EYA3: variants seen among roughly 807,000 people sequenced by gnomAD.
EYA3 encodes the protein protein phosphatase EYA3.
EYA3 carries 39 observed loss-of-function variants against 80.0 expected under a neutral mutation model. The observed-to-expected ratio is 0.49, with a 90% CI of 0.38 to 0.64. The LOEUF is 0.64. Ranked by LOEUF, EYA3 falls within the 30% of genes least tolerant of loss-of-function variation. EYA3 has a pLI of 0.00. For missense variants in EYA3, 523 were observed against 676.1 expected, an observed-to-expected ratio of 0.77 and a Z score of 2.51; for synonymous variants, 206 against 232.8, an observed-to-expected ratio of 0.88 and a Z score of 1.05.
chr1:28,024,784 G>C lies in EYA3; in HGVS notation c.499+3005C>G, dbSNP rs574663513. Among the ~76,000 whole-genome samples, 43 of 152,198 alleles carry C rather than the reference G, an allele frequency of 2.8e-4. No individual in the cohort carries two copies. The South Asian group carries it at 8.5e-3, about 30-fold the overall frequency. ...CAAAGATAGGGCCACATAGTCACAA[G>C]ATACTCTAGGAAAAGGATGATACTA... On this transcript the variant is annotated intron_variant, in intron 7 of 17. Coordinates refer to ENST00000373871, the MANE Select transcript of EYA3 (RefSeq NM_001990.4).
At chr1:28,051,152 T>C (rs1470277837) in intron 2 of EYA3, among the ~76,000 whole-genome samples, 2 of 152,142 alleles carry the variant, frequency 1.3e-5, no homozygotes, top group African/African-American at 2.4e-5. Flanking sequence ...GCAATAAAGC[T>C]GAAAAAGCTC....
intron 1 of EYA3, among the ~76,000 whole-genome samples, chr1:28,087,758 G>C (rs559708556): frequency 6.6e-6 from 1 of 152,342 alleles, no homozygotes; most frequent in Non-Finnish European, 1.5e-5. Context: ...CAATTAACAA[G>C]ATCGCGCCAG....
intron 14 of EYA3, among the ~76,000 whole-genome samples, chr1:27,992,350 A>C (rs2148732492): frequency 6.6e-6 from 1 of 152,338 alleles, no homozygotes; most frequent in East Asian, 1.9e-4. Context: ...AGGAACATGC[A>C]ACTAGATCCC....
chr1:28,035,055 C>T (rs1643367824), intron 6 of EYA3, among the ~76,000 whole-genome samples: 1 of 152,026 alleles, frequency 6.6e-6, no homozygotes, highest in South Asian at 2.1e-4. Flanking sequence ...TTGGGGATTT[C>T]CGGTATTCTA....
intron 6 of EYA3, among the ~76,000 whole-genome samples, chr1:28,028,372 A>G (rs1160599715): frequency 6.6e-6 from 1 of 152,208 alleles, no homozygotes; most frequent in Non-Finnish European, 1.5e-5. Flanking sequence ...TCTAAAATAT[A>G]TTAAATACTT....
At chr1:28,038,464 A>AAC (rs1177259615) in intron 5 of EYA3, among the ~76,000 whole-genome samples, 1 of 143,556 alleles carries the variant, frequency 7.0e-6, no homozygotes, top group African/African-American at 2.6e-5. Context: ...AAAAAAAAAA[A>AAC]CCGAACACAG....
chr1:28,061,516 G>A (rs536191107), intron 1 of EYA3, among the ~76,000 whole-genome samples: 1 of 151,138 alleles, frequency 6.6e-6, no homozygotes, highest in Non-Finnish European at 1.5e-5. Context: ...TGCAAAACTT[G>A]GTAATAAAAG....
At chr1:27,989,128 C>T (rs977631927) in intron 15 of EYA3, among the ~76,000 whole-genome samples, 1 of 152,216 alleles carries the variant, frequency 6.6e-6, no homozygotes, top group Admixed American at 6.5e-5. Context: ...ATGTCCTTTA[C>T]CTTCACCAGA....
intron 6 of EYA3, among the ~76,000 whole-genome samples, chr1:28,029,033 A>G (rs1441815153): frequency 1.3e-5 from 2 of 152,176 alleles, no homozygotes; most frequent in African/African-American, 2.4e-5. Flanking sequence ...TGTGTTATAC[A>G]TAGTGTACAT....
At chr1:27,995,933 C>T (rs1367478839) in intron 13 of EYA3, among the ~76,000 whole-genome samples, 2 of 152,062 alleles carry the variant, frequency 1.3e-5, no homozygotes, top group African/African-American at 4.8e-5. Flanking sequence ...AGTGCAGGGG[C>T]GTGATCTCGG....
chr1:28,067,722 A>G (rs904486743), intron 1 of EYA3, among the ~76,000 whole-genome samples: 11 of 152,200 alleles, frequency 7.2e-5, no homozygotes, highest in Non-Finnish European at 1.3e-4. Context: ...GGGTTGGTTC[A>G]TTTTACAGCT....
intron 4 of EYA3, among the ~76,000 whole-genome samples, chr1:28,039,709 T>G (rs946749392): frequency 6.6e-6 from 1 of 152,128 alleles, no homozygotes; most frequent in African/African-American, 2.4e-5. Flanking sequence ...AGAACCTTGA[T>G]CAAAAGTAGA....
chr1:27,981,793 A>G (rs1412612134), intron 16 of EYA3, among the ~76,000 whole-genome samples: 1 of 151,412 alleles, frequency 6.6e-6, no homozygotes, highest in African/African-American at 2.4e-5. Context: ...AAAAATGCCT[A>G]CCACCAACGA....
intron 11 of EYA3, among the ~76,000 whole-genome samples, chr1:28,001,572 C>T (rs1640847403): frequency 6.7e-6 from 1 of 149,926 alleles, no homozygotes; most frequent in South Asian, 2.1e-4. Flanking sequence ...CGTGGTGAAT[C>T]CCCATCTCTA....
At chr1:27,994,655 T>C (rs995460670) in intron 13 of EYA3, among the ~76,000 whole-genome samples, 2 of 152,050 alleles carry the variant, frequency 1.3e-5, no homozygotes, top group African/African-American at 4.8e-5. Context: ...CCACTGCACT[T>C]CAGCTTGCGG....
At chr1:28,077,036 C>T (rs999964408) in intron 1 of EYA3, among the ~76,000 whole-genome samples, 1 of 150,444 alleles carries the variant, frequency 6.6e-6, no homozygotes, top group Non-Finnish European at 1.5e-5. Context: ...CCACCACGCC[C>T]GGTCTGTTTT....
chr1:27,999,302 G>A (rs1640668310), intron 12 of EYA3, among the ~76,000 whole-genome samples: 1 of 152,132 alleles, frequency 6.6e-6, no homozygotes, highest in Non-Finnish European at 1.5e-5. Context: ...CCCTATGTGA[G>A]ATTCACATTC....
chr1:27,983,897 C>T (rs568615985), intron 16 of EYA3, among the ~76,000 whole-genome samples: 1 of 152,324 alleles, frequency 6.6e-6, no homozygotes, highest in African/African-American at 2.4e-5. Context: ...TCAGGTGATC[C>T]ACCCACCTCG....
chr1:28,010,756 T>A, intron 10 of EYA3, 191 bp downstream of exon 10: 1 of 579,154 alleles, frequency 1.7e-6, no homozygotes, highest in Non-Finnish European at 2.9e-6. Context: ...TCTGTTCTCT[T>A]CTGGAATATA....
Sources: gnomAD v4.1 joint callset for allele counts (sites outside exome capture counted in the v4.1 genomes callset) on GRCh38, gnomAD v4.1.1 for gene constraint, MANE v1.5 for transcripts, NCBI Gene and HGNC (gene_info 2026-07-23, HGNC 2026-07-21) for gene names.